Variants in UCHL3 observed in about 807,000 individuals in gnomAD.
UCHL3 encodes the protein ubiquitin carboxyl-terminal hydrolase isozyme L3.
Under a neutral mutation model 35.8 loss-of-function variants are expected in UCHL3, and 22 were observed. The observed-to-expected ratio is 0.61, with a 90% confidence interval of 0.44 to 0.88. The LOEUF (loss-of-function observed/expected upper bound fraction) is 0.88, where lower values mean the gene tolerates loss of function less well. Among genes scored for constraint, UCHL3 ranks in the 40% least tolerant of loss-of-function variants. The pLI is 0.00. For synonymous variants in UCHL3, 90 were observed against 92.8 expected, an observed-to-expected ratio of 0.97 and a Z score of 0.17; for missense variants, 229 against 276.9, an observed-to-expected ratio of 0.83 and a Z score of 1.23.
chr13:75,564,333 G>A (rs962963030), intron 3 of UCHL3, among the ~76,000 whole-genome samples: 2 of 151,922 alleles, frequency 1.3e-5, no homozygotes, highest in Non-Finnish European at 2.9e-5. Context: ...TGTATTTTTA[G>A]TAGAGACGGG....
upstream of UCHL3, chr13:75,549,560 G>T (rs907180058): frequency 6.6e-6 from 3 of 456,894 alleles, no homozygotes; most frequent in Admixed American, 4.1e-5. Flanking sequence ...TGTGGATTCA[G>T]ATACTGTTTT....
At chr13:75,559,241 C>T (rs1165370925) in intron 2 of UCHL3, among the ~76,000 whole-genome samples, 2 of 151,280 alleles carry the variant, frequency 1.3e-5, no homozygotes, top group African/African-American at 2.4e-5. Flanking sequence ...GGGGTTTCAC[C>T]GTATTAGCCA....
chr13:75,572,052 CT>C (rs1225246023), intron 6 of UCHL3, among the ~76,000 whole-genome samples: 1 of 132,774 alleles, frequency 7.5e-6, no homozygotes, highest in African/African-American at 3.5e-5. Context: ...TCCTTCCTTC[CT>C]TTCTTTCCTT....
chr13:75,601,733 C>A (rs773598077), intron 7 of UCHL3, among the ~76,000 whole-genome samples: 3 of 152,166 alleles, frequency 2.0e-5, no homozygotes, highest in Non-Finnish European at 2.9e-5. Context: ...CCCACAGTAT[C>A]TCTCAGGCAT....
chr13:75,586,705 A>G (rs994709456), intron 6 of UCHL3, among the ~76,000 whole-genome samples: 2 of 152,004 alleles, frequency 1.3e-5, no homozygotes, highest in Admixed American at 1.3e-4. Context: ...TAAACTACAA[A>G]TCAACAATAG....
chr13:75,589,597 T>C, intron 6 of UCHL3, among the ~76,000 whole-genome samples: 1 of 152,232 alleles, frequency 6.6e-6, no homozygotes, highest in Non-Finnish European at 1.5e-5. Flanking sequence ...ATGCGTTACA[T>C]GGTTTTTGTG....
intron 6 of UCHL3, among the ~76,000 whole-genome samples, chr13:75,588,178 CT>C (rs2032379330): frequency 6.6e-6 from 1 of 152,124 alleles, no homozygotes; most frequent in South Asian, 2.1e-4. Context: ...TATTTCTGTT[CT>C]TTTCTCACAC....
chr13:75,584,967 C>T (rs1057427067), intron 6 of UCHL3, among the ~76,000 whole-genome samples: 1 of 151,436 alleles, frequency 6.6e-6, no homozygotes, highest in Non-Finnish European at 1.5e-5. Context: ...ACAAAACAAA[C>T]AGTGCATCCA....
chr13:75,553,879 A>G (rs2031201379), intron 2 of UCHL3, among the ~76,000 whole-genome samples: 1 of 152,174 alleles, frequency 6.6e-6, no homozygotes, highest in South Asian at 2.1e-4. Flanking sequence ...ATAGCCATCC[A>G]TGCAGTGTTT....
rs1388422648 is a variant in UCHL3 at position 75,577,935 on chromosome 13, C to G, written c.474+8428C>G. Among the ~76,000 whole-genome samples, 3 of 152,182 alleles carry G rather than the reference C, an allele frequency of 2.0e-5. No individual in the cohort carries two copies. In the East Asian group the frequency reaches 5.8e-4, roughly 29 times the overall value. On this transcript the variant is annotated intron_variant, in intron 6 of 8. Coordinates refer to ENST00000377595, the MANE Select transcript of UCHL3 (RefSeq NM_006002.5). ...GATCACCTTATGATTTATTGTTTAA[C>G]TTTTTAAGTTTGTTGTACTGCCCAG... is the stretch of plus-strand genomic sequence containing the variant.
intron 7 of UCHL3, among the ~76,000 whole-genome samples, chr13:75,598,698 C>T (rs1468322117): frequency 6.6e-6 from 1 of 152,170 alleles, no homozygotes; most frequent in Admixed American, 6.5e-5. Flanking sequence ...TCGAGAGGCA[C>T]ATGATGTCAA....
At chr13:75,570,859 C>T (rs961448791) in intron 6 of UCHL3, among the ~76,000 whole-genome samples, 5 of 152,106 alleles carry the variant, frequency 3.3e-5, no homozygotes, top group African/African-American at 1.2e-4. Flanking sequence ...TTATAGTGAC[C>T]TATGATTGCA....
At chr13:75,583,769 G>C (rs1454339964) in intron 6 of UCHL3, among the ~76,000 whole-genome samples, 1 of 152,170 alleles carries the variant, frequency 6.6e-6, no homozygotes, top group Non-Finnish European at 1.5e-5. Flanking sequence ...ATGATGTAGA[G>C]ATATACTTAC....
chr13:75,604,657 A>G (rs553397027), intron 7 of UCHL3, 112 bp from the exon 8 acceptor site: 1 of 694,888 alleles, frequency 1.4e-6, no homozygotes, highest in Non-Finnish European at 2.3e-6. Context: ...TATATTATTG[A>G]AAATGGCTTT....
intron 5 of UCHL3, chr13:75,569,210 G>T: frequency 5.9e-6 from 2 of 339,870 alleles, no homozygotes; most frequent in South Asian, 2.2e-4. Context: ...CCTACTTAGA[G>T]CCTGGAAATT....
At chr13:75,588,272 T>G (rs1482662777) in intron 6 of UCHL3, among the ~76,000 whole-genome samples, 2 of 152,146 alleles carry the variant, frequency 1.3e-5, no homozygotes, top group African/African-American at 4.8e-5. Flanking sequence ...GGTTTAGTAA[T>G]ATTTCCCTCT....
chr13:75,577,553 C>T (rs1199300204), intron 6 of UCHL3, among the ~76,000 whole-genome samples: 2 of 152,156 alleles, frequency 1.3e-5, no homozygotes, highest in African/African-American at 2.4e-5. Flanking sequence ...TGTGTATTCA[C>T]TCCAACTGAG....
At chr13:75,561,541 A>AATATATATATAT (rs8192743) in intron 3 of UCHL3, among the ~76,000 whole-genome samples, 1 of 150,420 alleles carries the variant, frequency 6.6e-6, no homozygotes, top group African/African-American at 2.4e-5. Context: ...CAGTTTTTTC[A>AATATATATATAT]ATATATATAT....
Position 75,601,634 on chromosome 13 carries a change from A to G in UCHL3, c.551-3135A>G, listed in dbSNP as rs9573589. ...ACCTAATAGACTACAGAGTAATATA[A>G]ACATAACTTTTATATGCACTAGGAA... On this transcript the variant is annotated intron_variant, in intron 7 of 8. Transcript: ENST00000377595. 3.0e-3 allele frequency among the ~76,000 whole-genome samples: 456 copies of G among 152,296 alleles called. 14 individuals carry two copies. The East Asian group carries it at 0.075, about 25-fold the overall frequency.
Sources: gnomAD v4.1 joint callset for allele counts (sites outside exome capture counted in the v4.1 genomes callset) on GRCh38, gnomAD v4.1.1 for gene constraint, MANE v1.5 for transcripts, NCBI Gene and HGNC (gene_info 2026-07-23, HGNC 2026-07-21) for gene names.